The following ZFP62 variants were observed in gnomAD, a reference collection of about 807,000 sequenced individuals.
ZFP62 encodes the protein ZFP62 zinc finger protein.
ZFP62 carries 44 observed loss-of-function variants against 56.4 expected under a neutral mutation model. The ratio of observed to expected loss-of-function variants is 0.78; its 90% CI spans 0.61 to 1.00. The LOEUF (loss-of-function observed/expected upper bound fraction) is 1.00. Ranked by LOEUF, ZFP62 falls within the 50% of genes least tolerant of loss-of-function variation. The pLI, the probability that ZFP62 is intolerant of heterozygous loss-of-function variation, is 0.00. For missense variants in ZFP62, 1,030 were observed against 1,085.7 expected (o/e 0.95, Z 0.72); for synonymous variants, 421 against 388.9 (o/e 1.08, Z -0.97).
chr5:180,842,207 G>T, the ZFP62 span, among the ~76,000 whole-genome samples: 1 of 152,264 alleles, frequency 6.6e-6, no homozygotes, highest in Non-Finnish European at 1.5e-5. Flanking sequence ...AGGAGTAGGG[G>T]ACAAAAGGAT....
chr5:180,858,090 T>A (rs868086610), intron 1 of ZFP62, among the ~76,000 whole-genome samples: 13 of 127,724 alleles, frequency 1.0e-4, no homozygotes, highest in South Asian at 2.6e-4. Context: ...CCATCTCTAC[T>A]AAAAAAAAAA....
chr5:180,858,568 A>G (rs1269096814), intron 1 of ZFP62, among the ~76,000 whole-genome samples: 3 of 152,120 alleles, frequency 2.0e-5, no homozygotes, highest in African/African-American at 7.2e-5. Context: ...AGATAGCGCC[A>G]TTGCACTCCA....
chr5:180,861,009 G>T (rs901965506), intron 1 of ZFP62, among the ~76,000 whole-genome samples: 1 of 152,162 alleles, frequency 6.6e-6, no homozygotes, highest in Non-Finnish European at 1.5e-5. Context: ...TCTGTTCCAG[G>T]GGCGCGCCCT....
chr5:180,861,075 C>A, intron 1 of ZFP62, 144 bp downstream of exon 1: 1 of 396,734 alleles, frequency 2.5e-6, no homozygotes, highest in South Asian at 1.3e-4. Flanking sequence ...GAAACGCACC[C>A]ACTGAGACAT....
At chr5:180,834,477 A>G in the ZFP62 span, 2 of 152,270 alleles carry the variant, frequency 1.3e-5, no homozygotes, top group African/African-American at 2.4e-5. Context: ...AAAGAGACAC[A>G]AGAGCTTGCT....
At chr5:180,831,464 G>A in the ZFP62 span, 1 of 152,138 alleles carries the variant, frequency 6.6e-6, no homozygotes, top group Non-Finnish European at 1.5e-5. Context: ...CAGGCTGGAG[G>A]GCAATGGCGC....
chr5:180,850,525 G>A lies in ZFP62; in HGVS notation c.970C>T (p.Leu324Phe). ...AAGTGGATGCTTTTATGGTTGAGAAGTGTTCTACAAGTAATGAAGGCCTTC... is the reference window on the plus strand; with the variant it reads ...AAGTGGATGCTTTTATGGTTGAGAAATGTTCTACAAGTAATGAAGGCCTTC... ...CGKAFITCRT[L>F]LNHKSIHFGD... Residue 324 changes from leucine to phenylalanine, a missense_variant, in exon 2 of 2, where the codon CTT becomes TTT. Leu to Phe is a conservative substitution (Grantham distance 22). Coordinates refer to ENST00000502412, the MANE Select transcript of ZFP62 (RefSeq NM_001172638.2). 1.3e-6 allele frequency: 2 copies of A among 1,553,742 alleles called. No homozygotes were observed. The highest frequency in any genetic ancestry group is 1.7e-6 in the Non-Finnish European group (2 of 1,148,202).
the ZFP62 span, among the ~76,000 whole-genome samples, chr5:180,833,729 G>A: frequency 2.0e-5 from 3 of 150,632 alleles, no homozygotes; most frequent in African/African-American, 7.3e-5. Flanking sequence ...GGAGCGCAGT[G>A]GCACGATCTC....
At chr5:180,845,792 T>C (rs1238133777), downstream of ZFP62, 1 of 985,276 alleles carries the variant, frequency 1.0e-6, no homozygotes, top group African/African-American at 1.7e-5. Context: ...GTGGTGATCC[T>C]CTCATTTCTG....
intron 1 of ZFP62, among the ~76,000 whole-genome samples, chr5:180,854,549 A>G (rs1313739022): frequency 1.3e-5 from 2 of 152,122 alleles, no homozygotes; most frequent in Non-Finnish European, 2.9e-5. Flanking sequence ...GGATATCCGC[A>G]TGGTCTTAAA....
Position 180,848,691 on chromosome 5 carries a change from C to T in ZFP62, c.*101G>A, listed in dbSNP as rs1467973945. 1.7e-5 allele frequency: 24 copies of T among 1,438,254 alleles called. No homozygotes were observed. The highest frequency in any genetic ancestry group is 2.1e-5 in the Non-Finnish European group (23 of 1,093,626). 89.1% of individuals were successfully genotyped at this position (1,438,254 alleles called of 1,614,324 possible). A position where few individuals can be genotyped will look rare whatever the true frequency, so the allele number is the denominator to read the frequency against. Reference sequence around the variant, plus strand: ...TCCTCATAATCCTCTAGGATGGTTTCATTTACACTGTGTAAATTACAAGCC... The same window carrying T: ...TCCTCATAATCCTCTAGGATGGTTTTATTTACACTGTGTAAATTACAAGCC... On this transcript the variant is annotated 3_prime_UTR_variant, in exon 2 of 2. Coordinates refer to ENST00000502412, the MANE Select transcript of ZFP62 (RefSeq NM_001172638.2).
chr5:180,842,582 T>C, the ZFP62 span, among the ~76,000 whole-genome samples: 4 of 152,240 alleles, frequency 2.6e-5, no homozygotes, highest in Admixed American at 1.3e-4. Context: ...AGGTCTAACC[T>C]AGAATTCTAT....
the ZFP62 span, among the ~76,000 whole-genome samples, chr5:180,841,320 C>CATATAT: frequency 1.0e-3 from 156 of 149,970 alleles, no homozygotes; most frequent in South Asian, 3.3e-3. Context: ...TACATACACA[C>CATATAT]ATATATATAT....
the ZFP62 span, among the ~76,000 whole-genome samples, chr5:180,827,642 A>C: frequency 6.6e-6 from 1 of 152,218 alleles, no homozygotes; most frequent in South Asian, 2.1e-4. Context: ...ATATGGCCTC[A>C]TGGGAAGGGA....
chr5:180,850,603 C>T lies in ZFP62; in HGVS notation c.892G>A (p.Val298Ile). The change falls in exon 2 of 2, where the codon GTC becomes ATC. Residue 298 changes from valine to isoleucine, a missense_variant. Coordinates refer to ENST00000502412, the MANE Select transcript of ZFP62 (RefSeq NM_001172638.2). ...KTFSNSSGLR[V>I]HKRIHTGEKP... ...TCACCTGTGTGGATCCTTTTATGGA[C>T]CCTAAGGCCAGAGCTGTTACTGAAG... 1 of 1,564,234 alleles carries T rather than the reference C, an allele frequency of 6.4e-7. No individual in the cohort carries two copies. Among genetic ancestry groups the T allele is most frequent in the Non-Finnish European group, 8.7e-7 (1 of 1,154,430 alleles).
the ZFP62 span, chr5:180,831,216 C>T: frequency 0.069 from 10,694 of 154,402 alleles, 1,226 homozygotes; most frequent in African/African-American, 0.23. Context: ...GGGACCTTTG[C>T]GGGGAGGCCT....
chr5:180,845,589 G>T, downstream of ZFP62: 2 of 419,130 alleles, frequency 4.8e-6, no homozygotes, highest in Non-Finnish European at 6.4e-6. Flanking sequence ...GAAGACAATT[G>T]AAGTACTGTA....
In ZFP62 at chr5:180,851,290, T is replaced by C. The variant is rs1192970123; in HGVS notation, c.205A>G (p.Arg69Gly). 1 of 1,551,732 alleles carries C rather than the reference T, an allele frequency of 6.4e-7. No individual in the cohort carries two copies. The highest frequency in any genetic ancestry group is 8.7e-7 in the Non-Finnish European group (1 of 1,146,994). Residue 69 changes from arginine to glycine, a missense_variant, in exon 2 of 2, where the codon AGG becomes GGG. Transcript: ENST00000502412. ...NRMKEDKSSI[R>G]EAISKAKSTA... The stretch of plus-strand genomic sequence containing the variant: ...CTCTTGGCTTTGCTGATTGCTTCCC[T>C]GATGCTGCTTTTGTCCTCCTTCATC...
At chr5:180,829,055 T>A in the ZFP62 span, among the ~76,000 whole-genome samples, 1 of 152,216 alleles carries the variant, frequency 6.6e-6, no homozygotes, top group Non-Finnish European at 1.5e-5. Flanking sequence ...GTCAGACCGG[T>A]TCTCTGCTCT....
Sources: allele counts gnomAD v4.1 joint callset (sites outside exome capture counted in the v4.1 genomes callset), GRCh38; gene constraint gnomAD v4.1.1; transcripts MANE v1.5; gene names NCBI Gene and HGNC (gene_info 2026-07-23, HGNC 2026-07-21).